Variants in GRIK1 observed in about 807,000 individuals in gnomAD.
GRIK1 encodes glutamate ionotropic receptor kainate type subunit 1, also known as glutamate receptor ionotropic, kainate 1.
Under a neutral mutation model 105.7 loss-of-function variants are expected in GRIK1, and 69 were observed. The observed-to-expected ratio is 0.65, with a 90% CI of 0.54 to 0.80. The LOEUF is 0.80. Among genes scored for constraint, GRIK1 ranks in the 30% least tolerant of loss-of-function variants. The pLI is 0.00. For missense variants in GRIK1, 1,109 were observed against 1,167.3 expected (o/e 0.95, Z 0.73); for synonymous variants, 438 against 431.3 (o/e 1.02, Z -0.19).
intron 7 of GRIK1, among the ~76,000 whole-genome samples, chr21:29,599,960 C>G (rs111400338): frequency 0.012 from 1,892 of 152,294 alleles, 44 homozygotes; most frequent in African/African-American, 0.043. Context: ...GTGGCGCATG[C>G]TTGTAATCCC....
intron 17 of GRIK1, 80 bp from the exon 18 acceptor site, chr21:29,537,465 T>C (rs2089898364): frequency 1.8e-6 from 2 of 1,138,868 alleles, no homozygotes; most frequent in Non-Finnish European, 2.5e-6. Flanking sequence ...CCTAGGTATT[T>C]ATGAACACAA....
rs1215244763 is a variant in GRIK1 at position 29,938,608 on chromosome 21, C to CT, written c.118+774dup. Among the ~76,000 whole-genome samples the CT allele has an allele frequency of 2.0e-5, 3 of 152,204 alleles. No individual in the cohort carries two copies. In the East Asian group the frequency reaches 5.8e-4, roughly 29 times the overall value. On this transcript the variant is annotated intron_variant, in intron 1 of 17. Coordinates refer to ENST00000327783, the MANE Select transcript of GRIK1 (RefSeq NM_001330994.2). ...CTGCCCACATTCAGCTTTCCGGTGTCTTTTTTATCTCATTCGAGATCAGAG... is the reference window on the plus strand; with the variant it reads ...CTGCCCACATTCAGCTTTCCGGTGTCTTTTTTTATCTCATTCGAGATCAGAG...
chr21:29,781,657 CTTTTTTTT>C (rs71191125), intron 1 of GRIK1, among the ~76,000 whole-genome samples: 3 of 69,260 alleles, frequency 4.3e-5, no homozygotes, highest in African/African-American at 1.1e-4. Flanking sequence ...CCTACTGTTT[CTTTTTTTT>C]TTTTTTTTTT....
intron 8 of GRIK1, among the ~76,000 whole-genome samples, chr21:29,598,322 G>T (rs890882229): frequency 1.3e-5 from 2 of 152,064 alleles, no homozygotes. Flanking sequence ...CAGTTTTTTG[G>T]CATTTGTCCT....
intron 1 of GRIK1, among the ~76,000 whole-genome samples, chr21:29,750,138 C>A (rs1460160677): frequency 1.3e-5 from 2 of 151,882 alleles, no homozygotes; most frequent in Non-Finnish European, 2.9e-5. Flanking sequence ...AGGGAAGCAT[C>A]TTTTTGCGGC....
At chr21:29,663,006 T>C (rs1423921229) in intron 4 of GRIK1, among the ~76,000 whole-genome samples, 1 of 152,168 alleles carries the variant, frequency 6.6e-6, no homozygotes, top group African/African-American at 2.4e-5. Flanking sequence ...ACAATAATAT[T>C]CACAGCGACT....
chr21:29,904,783 G>A (rs1439573214), intron 1 of GRIK1, among the ~76,000 whole-genome samples: 1 of 152,146 alleles, frequency 6.6e-6, no homozygotes, highest in East Asian at 1.9e-4. Context: ...CCAGAACACT[G>A]TCATGTACCC....
intron 1 of GRIK1, among the ~76,000 whole-genome samples, chr21:29,851,893 C>T (rs2068317481): frequency 2.0e-5 from 3 of 152,156 alleles, no homozygotes; most frequent in South Asian, 4.1e-4. Context: ...TATCTGTTTC[C>T]CCAAATCTGC....
At chr21:29,855,228 A>G (rs538408654) in intron 1 of GRIK1, among the ~76,000 whole-genome samples, 2 of 152,226 alleles carry the variant, frequency 1.3e-5, no homozygotes, top group African/African-American at 2.4e-5. Flanking sequence ...GCCCATTGAG[A>G]TATTTTATTA....
chr21:29,716,278 A>G (rs907862838), intron 1 of GRIK1, among the ~76,000 whole-genome samples: 3 of 152,166 alleles, frequency 2.0e-5, no homozygotes, highest in Non-Finnish European at 4.4e-5. Context: ...GTAAACTTGT[A>G]CTGGCACAGT....
At chr21:29,856,697 G>C (rs889243262) in intron 1 of GRIK1, among the ~76,000 whole-genome samples, 2 of 152,188 alleles carry the variant, frequency 1.3e-5, no homozygotes, top group African/African-American at 4.8e-5. Context: ...TCATCAAAAG[G>C]CTTATCAATA....
At chr21:29,936,718 A>C (rs1034496460) in intron 1 of GRIK1, among the ~76,000 whole-genome samples, 1 of 152,226 alleles carries the variant, frequency 6.6e-6, no homozygotes, top group Non-Finnish European at 1.5e-5. Flanking sequence ...TCACGTGTCT[A>C]TGTGAACTCA....
chr21:29,922,751 G>A (rs1421706416), intron 1 of GRIK1, among the ~76,000 whole-genome samples: 2 of 151,996 alleles, frequency 1.3e-5, no homozygotes, highest in East Asian at 1.9e-4. Flanking sequence ...TGTATTCCTC[G>A]GCCCTTTTAC....
chr21:29,798,672 G>T (rs1359812363), intron 1 of GRIK1, among the ~76,000 whole-genome samples: 2 of 152,138 alleles, frequency 1.3e-5, no homozygotes, highest in African/African-American at 2.4e-5. Context: ...AACATTAAAA[G>T]AAACACTTTT....
intron 2 of GRIK1, among the ~76,000 whole-genome samples, chr21:29,691,335 C>T (rs972879875): frequency 6.6e-6 from 1 of 152,038 alleles, no homozygotes; most frequent in Admixed American, 6.6e-5. Context: ...CAAACATCCC[C>T]CAAAACATTT....
intron 11 of GRIK1, among the ~76,000 whole-genome samples, chr21:29,587,933 G>T (rs1352792014): frequency 7.3e-6 from 1 of 136,908 alleles, no homozygotes; most frequent in Admixed American, 7.4e-5. Context: ...GACATGATGA[G>T]ATTTTGCTCT....
chr21:29,911,285 AG>A (rs1422577583), intron 1 of GRIK1, among the ~76,000 whole-genome samples: 1 of 152,116 alleles, frequency 6.6e-6, no homozygotes, highest in Non-Finnish European at 1.5e-5. Context: ...TTGTGAATAT[AG>A]GGACAAAATG....
At chr21:29,571,793 A>G (rs199504591) in intron 14 of GRIK1, among the ~76,000 whole-genome samples, 3 of 152,332 alleles carry the variant, frequency 2.0e-5, no homozygotes, top group East Asian at 3.9e-4. Flanking sequence ...TCATTTGGGT[A>G]CTGCCAGAGG....
intron 1 of GRIK1, among the ~76,000 whole-genome samples, chr21:29,749,998 ATATT>A (rs1470330106): frequency 6.6e-6 from 1 of 151,992 alleles, no homozygotes; most frequent in African/African-American, 2.4e-5. Flanking sequence ...TATTTCATGA[ATATT>A]AGTAGTAGTT....
Sources: gnomAD v4.1 joint callset for allele counts (sites outside exome capture counted in the v4.1 genomes callset) on GRCh38, gnomAD v4.1.1 for gene constraint, MANE v1.5 for transcripts, NCBI Gene and HGNC (gene_info 2026-07-23, HGNC 2026-07-21) for gene names.